The following SH3D19 variants were observed in gnomAD, a reference collection of about 807,000 sequenced individuals.
SH3D19 encodes SH3 domain containing 19.
In SH3D19, 58 loss-of-function variants were observed where a neutral mutation model predicts 112.1. The observed-to-expected ratio is 0.52, with a 90% confidence interval of 0.42 to 0.64. The LOEUF is 0.64. Ranked by LOEUF, SH3D19 falls within the 30% of genes least tolerant of loss-of-function variation. SH3D19 has a pLI of 0.00. For synonymous variants in SH3D19, 391 were observed against 448.5 expected (o/e 0.87, Z 1.62); for missense variants, 1,090 against 1,263.4 (o/e 0.86, Z 2.08).
intron 1 of SH3D19, among the ~76,000 whole-genome samples, chr4:151,260,569 G>A (rs149381209): frequency 2.6e-4 from 40 of 152,190 alleles, no homozygotes; most frequent in African/African-American, 8.9e-4. Context: ...AGTATAATAG[G>A]TTTTACTACC....
chr4:151,238,770 A>G (rs181253441), intron 1 of SH3D19, among the ~76,000 whole-genome samples: 3 of 152,004 alleles, frequency 2.0e-5, no homozygotes, highest in African/African-American at 4.8e-5. Context: ...TGAAAAAAAA[A>G]TCTTTTTCTT....
intron 15 of SH3D19, 21 bp from the exon 16 acceptor site, chr4:151,133,257 G>C: frequency 6.2e-7 from 1 of 1,608,662 alleles, no homozygotes; most frequent in Non-Finnish European, 8.5e-7. Context: ...AACACATTTT[G>C]TGGATTAGAC....
intron 17 of SH3D19, among the ~76,000 whole-genome samples, chr4:151,129,532 G>A (rs938256978): frequency 1.3e-5 from 2 of 152,132 alleles, no homozygotes; most frequent in African/African-American, 4.8e-5. Flanking sequence ...ACCACACCCA[G>A]CTAATTTTTG....
chr4:151,143,087 A>C (rs1256229886), intron 12 of SH3D19, among the ~76,000 whole-genome samples: 2 of 151,988 alleles, frequency 1.3e-5, no homozygotes. Flanking sequence ...AAATTTTAAA[A>C]ATTGCCAGGC....
chr4:151,229,652 C>T (rs2149954925), intron 1 of SH3D19, among the ~76,000 whole-genome samples: 1 of 152,284 alleles, frequency 6.6e-6, no homozygotes, highest in Non-Finnish European at 1.5e-5. Flanking sequence ...GTGGTTCACA[C>T]CTGTAATCCC....
chr4:151,287,861 C>A (rs1774964329), intron 1 of SH3D19, among the ~76,000 whole-genome samples: 1 of 151,918 alleles, frequency 6.6e-6, no homozygotes, highest in Admixed American at 6.6e-5. Flanking sequence ...GCCTGGGAGA[C>A]AAAGTGAGAC....
chr4:151,131,629 C>T (rs534912592), intron 17 of SH3D19, among the ~76,000 whole-genome samples: 12 of 151,628 alleles, frequency 7.9e-5, no homozygotes, highest in Admixed American at 2.6e-4. Context: ...TGGGAATACG[C>T]GCGCTGGTCA....
chr4:151,282,986 C>A, intron 1 of SH3D19: 1 of 695,322 alleles, frequency 1.4e-6, no homozygotes, highest in Non-Finnish European at 2.4e-6. Context: ...CACCCATAAG[C>A]AAATATGATT....
chr4:151,264,045 T>C (rs1383991799), intron 1 of SH3D19, among the ~76,000 whole-genome samples: 1 of 152,144 alleles, frequency 6.6e-6, no homozygotes, highest in Non-Finnish European at 1.5e-5. Flanking sequence ...GCTCAAGTGA[T>C]CCTCCTGCCT....
At chr4:151,273,315 G>C (rs1164006594) in intron 1 of SH3D19, among the ~76,000 whole-genome samples, 1 of 152,084 alleles carries the variant, frequency 6.6e-6, no homozygotes, top group Non-Finnish European at 1.5e-5. Context: ...GTCCAGCCAG[G>C]CACGGTAGCT....
Position 151,198,230 on chromosome 4 carries a change from G to A in SH3D19, c.153-10767C>T, listed in dbSNP as rs550127188. Among the ~76,000 whole-genome samples, 15 of 149,958 alleles carry A rather than the reference G, an allele frequency of 1.0e-4. No homozygotes were observed. The South Asian group carries it at 2.1e-3, about 21-fold the overall frequency. ...TGAGGCAGAAGAATCACTTGAACCC[G>A]AGAGGTGGAGGTTGCAGTGAGCTGA... On this transcript the variant is annotated intron_variant, in intron 2 of 19. Coordinates refer to ENST00000604030, the MANE Select transcript of SH3D19 (RefSeq NM_001378122.1).
chr4:151,299,863 T>C (rs962670539), intron 1 of SH3D19, among the ~76,000 whole-genome samples: 2 of 152,256 alleles, frequency 1.3e-5, no homozygotes, highest in East Asian at 3.9e-4. Flanking sequence ...AGTTCCAAAA[T>C]AGCCCTATTT....
At chr4:151,257,091 G>A (rs944008721) in intron 1 of SH3D19, among the ~76,000 whole-genome samples, 4 of 151,362 alleles carry the variant, frequency 2.6e-5, no homozygotes, top group African/African-American at 9.7e-5. Flanking sequence ...TTGTTTGTTT[G>A]TTTATTTATT....
intron 2 of SH3D19, among the ~76,000 whole-genome samples, chr4:151,198,304 C>CA (rs1231227871): frequency 4.3e-4 from 20 of 46,112 alleles, no homozygotes; most frequent in African/African-American, 9.4e-4. Flanking sequence ...GACTCTGTCT[C>CA]AAAAAAAAAA....
At position 151,268,556 on chromosome 4, in the gene SH3D19, G is replaced by A. The variant is rs1772989202; in HGVS notation, c.113-42470C>T. ...GCTGCACCCATTAACTCGTCATTTA[G>A]CATTAGGTATATCTCCTAATGCTAT... On this transcript the variant is annotated intron_variant, in intron 1 of 19. Transcript: ENST00000604030. Among the ~76,000 whole-genome samples, 4 of 147,872 alleles carry A rather than the reference G, an allele frequency of 2.7e-5. No individual in the cohort carries two copies. In the Admixed American group the frequency reaches 2.7e-4, roughly 10 times the overall value.
chr4:151,294,267 C>G (rs1471696397), intron 1 of SH3D19, among the ~76,000 whole-genome samples: 1 of 152,160 alleles, frequency 6.6e-6, no homozygotes, highest in African/African-American at 2.4e-5. Flanking sequence ...ATGGAGGTAG[C>G]CCAGAACCTG....
intron 2 of SH3D19, among the ~76,000 whole-genome samples, chr4:151,187,691 A>G (rs1762013218): frequency 6.6e-6 from 1 of 152,204 alleles, no homozygotes; most frequent in African/African-American, 2.4e-5. Context: ...TTTTGCCTTA[A>G]AATTGCTTTC....
intron 19 of SH3D19, among the ~76,000 whole-genome samples, 173 bp from the exon 20 acceptor site, chr4:151,122,380 C>T (rs1748110598): frequency 1.3e-5 from 2 of 152,092 alleles, no homozygotes; most frequent in Admixed American, 6.6e-5. Context: ...GCTTGTAAGC[C>T]TCTATCCCTT....
chr4:151,228,853 TTTC>T (rs1447948906), intron 1 of SH3D19, among the ~76,000 whole-genome samples: 4 of 51,688 alleles, frequency 7.7e-5, no homozygotes, highest in Non-Finnish European at 3.0e-4. Context: ...AATTTTTTCT[TTTC>T]TTTTTTTTTT....
Sources: gnomAD v4.1 joint callset for allele counts (sites outside exome capture counted in the v4.1 genomes callset) on GRCh38, gnomAD v4.1.1 for gene constraint, MANE v1.5 for transcripts, NCBI Gene and HGNC (gene_info 2026-07-23, HGNC 2026-07-21) for gene names.